The following CCDC38 variants were observed in gnomAD, a reference collection of about 807,000 sequenced individuals.
The protein encoded by CCDC38 is coiled-coil domain-containing protein 38.
Under a neutral mutation model 72.8 loss-of-function variants are expected in CCDC38, and 69 were observed. That is an observed-to-expected ratio of 0.95 (90% confidence interval 0.78 to 1.16). The LOEUF (loss-of-function observed/expected upper bound fraction) is 1.16, where lower values mean the gene tolerates loss of function less well. Ranked by LOEUF, CCDC38 falls within the 50% of genes most tolerant of loss-of-function variation. The pLI, the probability that CCDC38 is intolerant of heterozygous loss-of-function variation, is 0.00. For synonymous variants in CCDC38, 201 were observed against 213.2 expected (o/e 0.94, Z 0.50); for missense variants, 626 against 638.9 (o/e 0.98, Z 0.22).
intron 14 of CCDC38, among the ~76,000 whole-genome samples, chr12:95,871,946 A>G (rs1565940566): frequency 6.6e-6 from 1 of 152,160 alleles, no homozygotes; most frequent in Non-Finnish European, 1.5e-5. Context: ...TATAATTACA[A>G]AGATTTGCTT....
chr12:95,925,936 G>C (rs1164050403), intron 2 of CCDC38, among the ~76,000 whole-genome samples: 1 of 129,514 alleles, frequency 7.7e-6, no homozygotes, highest in Non-Finnish European at 1.6e-5. Flanking sequence ...TGCTGGATTC[G>C]GTTTGCCAGT....
chr12:95,871,074 T>G (rs2079576088), intron 14 of CCDC38, among the ~76,000 whole-genome samples: 5 of 152,230 alleles, frequency 3.3e-5, no homozygotes, highest in Admixed American at 3.3e-4. Context: ...AGTACTAGTC[T>G]GCCTCTCAAC....
chr12:95,936,794 T>C (rs1033207473), intron 1 of CCDC38, among the ~76,000 whole-genome samples: 1 of 152,236 alleles, frequency 6.6e-6, no homozygotes, highest in Admixed American at 6.5e-5. Context: ...ATCCATAAAA[T>C]AAATTCCAGT....
chr12:95,887,725 AGAT>A (rs1218121448), intron 10 of CCDC38, among the ~76,000 whole-genome samples: 1 of 152,234 alleles, frequency 6.6e-6, no homozygotes, highest in East Asian at 1.9e-4. Context: ...CAGTTTTGCA[AGAT>A]GATGCCATTG....
intron 2 of CCDC38, among the ~76,000 whole-genome samples, chr12:95,924,574 T>G (rs1310073495): frequency 1.3e-4 from 19 of 150,846 alleles, no homozygotes; most frequent in African/African-American, 4.6e-4. Context: ...TTGGCTTTGG[T>G]TGCCATTGCT....
chr12:95,895,214 T>G, intron 7 of CCDC38, 68 bp from the exon 8 acceptor site: 1 of 1,178,372 alleles, frequency 8.5e-7, no homozygotes, highest in South Asian at 1.9e-5. Flanking sequence ...GAAAAAAATT[T>G]TTATAAAATT....
chr12:95,878,404 T>C, intron 12 of CCDC38, 58 bp from the exon 13 acceptor site: 1 of 1,528,538 alleles, frequency 6.5e-7, no homozygotes, highest in Non-Finnish European at 9.0e-7. Context: ...GAAATAACCA[T>C]CAGTCAGGAG....
At position 95,867,337 on chromosome 12, in the gene CCDC38, ACC is replaced by A. The variant is rs1489970800; in HGVS notation, c.1579-150_1579-149del. Reference sequence around the variant, plus strand: ...TAATCACAGTTAAAAGGGACTTATAACCTAACGGATGTCTAACATGCTAGGCA... The same window carrying A: ...TAATCACAGTTAAAAGGGACTTATAATAACGGATGTCTAACATGCTAGGCA... On this transcript the variant is annotated intron_variant, in intron 15 of 15. Coordinates refer to ENST00000344280, the MANE Select transcript of CCDC38 (RefSeq NM_182496.3). 381 of 608,776 alleles carry A rather than the reference ACC, an allele frequency of 6.3e-4. No individual in the cohort carries two copies. In the African/African-American group the frequency reaches 6.6e-3, roughly 11 times the overall value. The allele number at this position is 608,776 out of a possible 1,614,324, so 37.7% of individuals were successfully genotyped here. A position where few individuals can be genotyped will look rare whatever the true frequency, so the allele number is the denominator to read the frequency against.
chr12:95,917,031 C>T, intron 4 of CCDC38, 98 bp downstream of exon 4: 2 of 830,044 alleles, frequency 2.4e-6, no homozygotes, highest in Non-Finnish European at 3.6e-6. Flanking sequence ...TATAAGAGAG[C>T]ATACTGTCTG....
At chr12:95,892,805 G>A (rs892858931) in intron 8 of CCDC38, among the ~76,000 whole-genome samples, 1 of 151,988 alleles carries the variant, frequency 6.6e-6, no homozygotes, top group African/African-American at 2.4e-5. Context: ...TCCTGACCTT[G>A]TGATCCACCC....
At position 95,870,723 on chromosome 12, in the gene CCDC38, T is replaced by C. The variant is rs184693167; in HGVS notation, c.1485-1150A>G. On this transcript the variant is annotated intron_variant, in intron 14 of 15. Coordinates refer to ENST00000344280, the MANE Select transcript of CCDC38 (RefSeq NM_182496.3). ...ATTTATAGTTTTTTTTAAAGCTTGC[T>C]TTATGTTCAATAAGATCCCATCAGG... Among the ~76,000 whole-genome samples, 112 of 152,352 alleles carry C rather than the reference T, an allele frequency of 7.4e-4. 1 individual carries two copies. The highest frequency in any genetic ancestry group is 2.6e-3 in the African/African-American group (107 of 41,590).
chr12:95,888,507 C>CT lies in CCDC38; in HGVS notation c.872-2dup, dbSNP rs748070821. On this transcript the variant is annotated splice_acceptor_variant, in intron 9 of 15. Transcript: ENST00000344280. LOFTEE classifies it high-confidence loss of function. ...CGAGTCAGGCTTCTGCTTGGCTTTC[C>CT]TGTTCAAAATGTCCAGGTGAGGCCA... is the stretch of plus-strand genomic sequence containing the variant. 4.5e-5 allele frequency: 73 copies of CT among 1,613,828 alleles called. No homozygotes were observed. Among genetic ancestry groups the CT allele is most frequent in the Non-Finnish European group, 5.9e-5 (70 of 1,179,988 alleles).
intron 2 of CCDC38, among the ~76,000 whole-genome samples, chr12:95,927,059 T>C (rs1465468750): frequency 2.6e-5 from 4 of 152,128 alleles, no homozygotes; most frequent in Non-Finnish European, 4.4e-5. Flanking sequence ...CTATTAGGTC[T>C]GCTTGGTGCA....
chr12:95,891,129 A>G (rs1320013555), intron 8 of CCDC38, among the ~76,000 whole-genome samples, 199 bp from the exon 9 acceptor site: 3 of 152,226 alleles, frequency 2.0e-5, no homozygotes, highest in Non-Finnish European at 4.4e-5. Context: ...GCAGATGGTA[A>G]TATGCAAACA....
At chr12:95,891,486 C>T (rs1475346702) in intron 8 of CCDC38, among the ~76,000 whole-genome samples, 2 of 152,078 alleles carry the variant, frequency 1.3e-5, no homozygotes, top group Non-Finnish European at 2.9e-5. Context: ...GCTGGGACTA[C>T]AGGTGTCCAC....
At chr12:95,877,828 C>T (rs879845) in intron 13 of CCDC38, among the ~76,000 whole-genome samples, 47,734 of 152,036 alleles carry the variant, frequency 0.31, 7,848 homozygotes, top group Non-Finnish European at 0.35. Context: ...CTAGTCAGTG[C>T]TGAGTCACTG....
In CCDC38 at chr12:95,879,749, AG is replaced by A; in HGVS notation, c.1036del (p.Leu346SerfsTer18). On this transcript the variant is annotated frameshift_variant, in exon 12 of 16. Coordinates refer to ENST00000344280, the MANE Select transcript of CCDC38 (RefSeq NM_182496.3). LOFTEE classifies it high-confidence loss of function. This position sits in a 1 kb window ranked among gnomAD's most constrained non-coding sequence, Gnocchi z 5.5. ...FKEPEELLQV[L>X]RELEEQNLTL... Reference sequence around the variant, plus strand: ...AAGATTCTGCTCTTCCAGCTCTCTGAGGACTTGAAGTAACTCCTCTGGTTCC... The same window carrying A: ...AAGATTCTGCTCTTCCAGCTCTCTGAGACTTGAAGTAACTCCTCTGGTTCC... 6.2e-7 allele frequency: 1 copy of A among 1,612,192 alleles called. No homozygotes were observed. The highest frequency in any genetic ancestry group is 8.5e-7 in the Non-Finnish European group (1 of 1,178,590).
intron 4 of CCDC38, among the ~76,000 whole-genome samples, chr12:95,909,076 A>C (rs980971070): frequency 1.3e-5 from 2 of 152,212 alleles, no homozygotes; most frequent in African/African-American, 4.8e-5. Flanking sequence ...ATTGAGACAA[A>C]AAAATAAAAT....
rs1457231674 is a variant in CCDC38, at chr12:95,916,379, G to GCCTGCCTGCCTGCCTTCCTTCCTT, written c.304+749_304+750insAAGGAAGGAAGGCAGGCAGGCAGG. Among the ~76,000 whole-genome samples, 42 of 147,452 alleles carry GCCTGCCTGCCTGCCTTCCTTCCTT rather than the reference G, an allele frequency of 2.8e-4. No individual in the cohort carries two copies. In the East Asian group the frequency reaches 3.8e-3, roughly 13 times the overall value. ...GAAAATTTTTTTAAGTTGCCTGCCTGCCTTCCTTCCTTCCTTCCTTCCTTC... is the reference window on the plus strand; with the variant it reads ...GAAAATTTTTTTAAGTTGCCTGCCTGCCTGCCTGCCTGCCTTCCTTCCTTCCTTCCTTCCTTCCTTCCTTCCTTC... On this transcript the variant is annotated intron_variant, in intron 4 of 15. Transcript: ENST00000344280.
Sources: allele counts gnomAD v4.1 joint callset (sites outside exome capture counted in the v4.1 genomes callset), GRCh38; gene constraint gnomAD v4.1.1; non-coding constraint Gnocchi (gnomAD v3.1); transcripts MANE v1.5; gene names NCBI Gene and HGNC (gene_info 2026-07-23, HGNC 2026-07-21).